Variants in SMG6 observed in about 807,000 individuals in gnomAD.
SMG6 encodes telomerase-binding protein EST1A.
A neutral mutation model predicts 142.2 loss-of-function variants in SMG6; 66 were observed. The observed-to-expected ratio is 0.46, with a 90% CI of 0.38 to 0.57. The LOEUF is 0.57. SMG6 is among the 20% of genes least tolerant of loss of function. SMG6 has a pLI of 0.00. For missense variants in SMG6, 1,793 were observed against 1,832.0 expected, an observed-to-expected ratio of 0.98 and a Z score of 0.39; for synonymous variants, 779 against 702.4, an observed-to-expected ratio of 1.11 and a Z score of -1.72.
chr17:2,193,809 T>C lies in SMG6; in HGVS notation c.2870-5294A>G, dbSNP rs555071172. Among the ~76,000 whole-genome samples, 7 of 152,356 alleles carry C rather than the reference T, an allele frequency of 4.6e-5. No homozygotes were observed. In the East Asian group the frequency reaches 1.3e-3, roughly 29 times the overall value. On this transcript the variant is annotated intron_variant, in intron 10 of 18. Transcript: ENST00000263073. ...AGAGGAAACCATTTCAGCTAGCATG[T>C]AACAGAGAAGGTTTCATGGTAGAGA... is the stretch of plus-strand genomic sequence containing the variant.
chr17:2,060,305 G>A lies in SMG6; in HGVS notation c.*1187C>T, dbSNP rs1229265372. ...TCCCCACTGAGGTACCAGCTAAAGGGGCAAGGAAAGGGCCCCTGTGTCAGT... is the reference window on the plus strand; with the variant it reads ...TCCCCACTGAGGTACCAGCTAAAGGAGCAAGGAAAGGGCCCCTGTGTCAGT... On this transcript the variant is annotated 3_prime_UTR_variant, in exon 19 of 19. Transcript: ENST00000263073. The A allele has an allele frequency of 6.6e-6, 1 of 152,282 alleles. No homozygotes were observed. The highest frequency in any genetic ancestry group is 1.5e-5 in the Non-Finnish European group (1 of 68,064). The allele number at this position is 152,282 out of a possible 1,614,324, so 9.4% of individuals were successfully genotyped here.
Position 2,068,017 on chromosome 17 carries a change from CCA to C in SMG6, c.3835+759_3835+760del, listed in dbSNP as rs1023628783. On this transcript the variant is annotated intron_variant, in intron 16 of 18. Coordinates refer to ENST00000263073, the MANE Select transcript of SMG6 (RefSeq NM_017575.5). The surrounding 1 kb of genome is among the most constrained non-coding windows in gnomAD (Gnocchi z 6.7). ...CAATCATCTCCTAGACTCTCTCCCT[CCA>C]CAGAGGCCATCAGCTAGATATGAGC... is the stretch of plus-strand genomic sequence containing the variant. Among the ~76,000 whole-genome samples, 3 of 152,208 alleles carry C rather than the reference CCA, an allele frequency of 2.0e-5. No homozygotes were observed. Among genetic ancestry groups the C allele is most frequent in the African/African-American group, 4.8e-5 (2 of 41,446 alleles).
chr17:2,223,315 T>A (rs1000295645), intron 10 of SMG6, among the ~76,000 whole-genome samples: 1 of 152,334 alleles, frequency 6.6e-6, no homozygotes, highest in Admixed American at 6.5e-5. Context: ...CTGTTGGCAC[T>A]TGGGGCAAAG....
At chr17:2,128,833 A>AAC (rs994810334) in intron 13 of SMG6, among the ~76,000 whole-genome samples, 5 of 149,032 alleles carry the variant, frequency 3.4e-5, no homozygotes, top group Non-Finnish European at 7.5e-5. Context: ...AAAAAAAAAA[A>AAC]AGAGAGAGAG....
At chr17:2,152,755 T>A (rs981300376) in intron 13 of SMG6, among the ~76,000 whole-genome samples, 4 of 152,164 alleles carry the variant, frequency 2.6e-5, no homozygotes, top group Non-Finnish European at 5.9e-5. Context: ...TGTAAAACAG[T>A]TTGCTGGTCT....
intron 10 of SMG6, among the ~76,000 whole-genome samples, chr17:2,212,428 T>C (rs2072892634): frequency 6.6e-6 from 1 of 152,136 alleles, no homozygotes; most frequent in Non-Finnish European, 1.5e-5. Flanking sequence ...TGGTTTTATA[T>C]TGCTGCAGAT....
chr17:2,118,566 T>C (rs1597414062), intron 13 of SMG6, among the ~76,000 whole-genome samples: 1 of 150,846 alleles, frequency 6.6e-6, no homozygotes, highest in Non-Finnish European at 1.5e-5. Flanking sequence ...CAATGTCTCA[T>C]AGACCTAAAT....
intron 13 of SMG6, among the ~76,000 whole-genome samples, chr17:2,142,780 C>T (rs541482264): frequency 3.4e-5 from 5 of 149,088 alleles, no homozygotes; most frequent in Non-Finnish European, 3.0e-5. Flanking sequence ...CCCAGCTACT[C>T]GGGAGGCTGA....
At chr17:2,180,217 G>A (rs2071764392) in intron 12 of SMG6, among the ~76,000 whole-genome samples, 1 of 152,188 alleles carries the variant, frequency 6.6e-6, no homozygotes, top group Non-Finnish European at 1.5e-5. Context: ...GTGTGGATGG[G>A]AACACAAACT....
At chr17:2,220,673 T>C (rs908745807) in intron 10 of SMG6, among the ~76,000 whole-genome samples, 1 of 152,202 alleles carries the variant, frequency 6.6e-6, no homozygotes, top group African/African-American at 2.4e-5. Context: ...TTATACTAGG[T>C]TGGTACAAAA....
At chr17:2,303,368 AAC>A (rs1317120469) in intron 1 of SMG6, 3 of 1,223,154 alleles carry the variant, frequency 2.5e-6, no homozygotes, top group Admixed American at 4.4e-5. Context: ...GGGCAAAAGG[AAC>A]AGTCACCTTC....
At chr17:2,108,183 C>G (rs1278742969) in intron 13 of SMG6, among the ~76,000 whole-genome samples, 1 of 152,132 alleles carries the variant, frequency 6.6e-6, no homozygotes, top group African/African-American at 2.4e-5. Context: ...CAGAAAACAG[C>G]TATAGAAACT....
intron 9 of SMG6, among the ~76,000 whole-genome samples, chr17:2,240,619 A>G (rs1455862027): frequency 6.6e-6 from 1 of 152,208 alleles, no homozygotes; most frequent in Non-Finnish European, 1.5e-5. Context: ...TCTTGTAACT[A>G]GTAAGTGGTG....
intron 11 of SMG6, among the ~76,000 whole-genome samples, chr17:2,187,737 T>C (rs562307201): frequency 6.6e-6 from 1 of 151,826 alleles, no homozygotes; most frequent in East Asian, 1.9e-4. Flanking sequence ...GTTGCCCTTC[T>C]GTCCCTAAAA....
At chr17:2,169,852 T>C (rs1365004751) in intron 13 of SMG6, among the ~76,000 whole-genome samples, 2 of 150,940 alleles carry the variant, frequency 1.3e-5, no homozygotes, top group African/African-American at 4.9e-5. Context: ...GACTGAAGAG[T>C]AGAAGGGGGA....
At chr17:2,288,906 C>A (rs895140905) in intron 6 of SMG6, among the ~76,000 whole-genome samples, 2 of 151,442 alleles carry the variant, frequency 1.3e-5, no homozygotes, top group Non-Finnish European at 2.9e-5. Context: ...AGTGAAACCC[C>A]GTCTCTACTA....
At position 2,291,207 on chromosome 17, in the gene SMG6, T is replaced by C. The variant is rs564301890; in HGVS notation, c.2337+1345A>G. ...CTAGCCGGGCGTGGTGGCGGGCGCC[T>C]GTAGTCCCAGCTACTCGGGAGGCTG... On this transcript the variant is annotated intron_variant, in intron 6 of 18. Transcript: ENST00000263073. 4.8e-3 allele frequency among the ~76,000 whole-genome samples: 736 copies of C among 152,090 alleles called. 7 individuals are homozygous for C. The highest frequency in any genetic ancestry group is 0.017 in the African/African-American group (685 of 41,506).
rs2070074506 is a variant in SMG6 at position 2,130,282 on chromosome 17, A to AAAAAAAAAAAAAAAAAAC, written c.3357+42375_3357+42376insGTTTTTTTTTTTTTTTTT. On this transcript the variant is annotated intron_variant, in intron 13 of 18. Coordinates refer to ENST00000263073, the MANE Select transcript of SMG6 (RefSeq NM_017575.5). ...ACTCCGTCTCAAAAAAAAAAAAAAA[A>AAAAAAAAAAAAAAAAAAC]AAGAAACAGCATTTATATTCATACC... Among the ~76,000 whole-genome samples, 4 of 143,946 alleles carry AAAAAAAAAAAAAAAAAAC rather than the reference A, an allele frequency of 2.8e-5. No homozygotes were observed. In the East Asian group the frequency reaches 5.9e-4, roughly 21 times the overall value. The allele number at this position is 143,946 out of a possible 152,430, so 94.4% of individuals were successfully genotyped here. A position where few individuals can be genotyped will look rare whatever the true frequency, so the allele number is the denominator to read the frequency against.
chr17:2,143,501 C>T (rs1021483312), intron 13 of SMG6, among the ~76,000 whole-genome samples: 1 of 152,078 alleles, frequency 6.6e-6, no homozygotes, highest in African/African-American at 2.4e-5. Context: ...TATATGATCC[C>T]ATTCATATGA....
Sources: allele counts gnomAD v4.1 joint callset (sites outside exome capture counted in the v4.1 genomes callset), GRCh38; gene constraint gnomAD v4.1.1; non-coding constraint Gnocchi (gnomAD v3.1); transcripts MANE v1.5; gene names NCBI Gene and HGNC (gene_info 2026-07-23, HGNC 2026-07-21).